Variants in SH2D1B observed in about 807,000 individuals in gnomAD.
SH2D1B encodes SH2 domain-containing protein 1B.
SH2D1B carries 11 observed loss-of-function variants against 16.3 expected under a neutral mutation model. The ratio of observed to expected loss-of-function variants is 0.67; its 90% CI spans 0.42 to 1.11. SH2D1B has a LOEUF of 1.11. SH2D1B is among the 50% of genes most tolerant of loss of function. The probability of loss-of-function intolerance (pLI) is 0.00; values close to 1 mark genes in which losing one functional copy is unlikely to be tolerated. For synonymous variants in SH2D1B, 55 were observed against 56.1 expected (o/e 0.98, Z 0.09); for missense variants, 123 against 153.1 (o/e 0.80, Z 1.04).
chr1:162,400,282 C>T (rs1158826706), intron 2 of SH2D1B, among the ~76,000 whole-genome samples: 1 of 142,220 alleles, frequency 7.0e-6, no homozygotes, highest in Non-Finnish European at 1.5e-5. Context: ...CTATACACCA[C>T]GTACTTTTTT....
At position 162,411,902 on chromosome 1, in the gene SH2D1B, C is replaced by G. The variant is rs368824273; in HGVS notation, c.115G>C (p.Val39Leu). The change falls in exon 1 of 4, where the codon GTC (valine) becomes CTC (leucine). Residue 39 changes from valine to leucine, a missense_variant. Coordinates refer to ENST00000367929, the MANE Select transcript of SH2D1B (RefSeq NM_053282.5). ...LLRDSESIPG[V>L]LCLCVSFKNI... ...ACTCACGAGACACAGAGGCACAGGA[C>G]TCCTGGTATCGACTCGCTGTCTCTT... The G allele has an allele frequency of 2.5e-6, 4 of 1,614,088 alleles. No homozygotes were observed. The highest frequency in any genetic ancestry group is 3.4e-6 in the Non-Finnish European group (4 of 1,180,056).
At chr1:162,402,348 T>C in intron 2 of SH2D1B, 1 of 157,536 alleles carries the variant, frequency 6.3e-6, no homozygotes, top group Non-Finnish European at 1.4e-5. Flanking sequence ...CCTTCTCTAC[T>C]GAAAATACAA....
rs183586161 is a variant in SH2D1B, at chr1:162,407,009, C to T, written c.135-4207G>A. The stretch of plus-strand genomic sequence containing the variant: ...TACATTGTAAGATCAGAAAACATTT[C>T]CTGTCCACAGTTACCACATAGCTTT... On this transcript the variant is annotated intron_variant, in intron 1 of 3. Coordinates refer to ENST00000367929, the MANE Select transcript of SH2D1B (RefSeq NM_053282.5). Among the ~76,000 whole-genome samples, 824 of 152,324 alleles carry T rather than the reference C, an allele frequency of 5.4e-3. 6 individuals carry two copies. The highest frequency in any genetic ancestry group is 5.3e-3 in the Non-Finnish European group (358 of 68,022).
chr1:162,412,019 A>G lies in SH2D1B; in HGVS notation c.-3T>C. On this transcript the variant is annotated 5_prime_UTR_variant, in exon 1 of 4. Coordinates refer to ENST00000367929, the MANE Select transcript of SH2D1B (RefSeq NM_053282.5). ...CCATGGTAGTAAGGCAGATCCATGG[A>G]GAACGCTCTTGTATCCCAGGAAGCC... 1 of 1,614,086 alleles carries G rather than the reference A, an allele frequency of 6.2e-7. No individual in the cohort carries two copies. The highest frequency in any genetic ancestry group is 8.5e-7 in the Non-Finnish European group (1 of 1,179,984).
At chr1:162,410,088 A>C (rs895320284) in intron 1 of SH2D1B, among the ~76,000 whole-genome samples, 1 of 152,186 alleles carries the variant, frequency 6.6e-6, no homozygotes. Flanking sequence ...CTACTAAGTC[A>C]GTTTGGCAAG....
At position 162,397,117 on chromosome 1, in the gene SH2D1B, A is replaced by G. The variant is rs556701507; in HGVS notation, c.*163T>C. On this transcript the variant is annotated 3_prime_UTR_variant, in exon 4 of 4. Transcript: ENST00000367929. ...ATGTCTGGGAGGCGGGGATGTGGAGAGTGACCTCTGGTGCTGGTGGGCAGA... is the reference window on the plus strand; with the variant it reads ...ATGTCTGGGAGGCGGGGATGTGGAGGGTGACCTCTGGTGCTGGTGGGCAGA... The G allele has an allele frequency of 5.0e-5, 34 of 673,694 alleles. No individual in the cohort carries two copies. In the East Asian group the frequency reaches 9.1e-4, roughly 18 times the overall value. The allele number at this position is 673,694 out of a possible 1,614,324, so 41.7% of individuals were successfully genotyped here. A position where few individuals can be genotyped will look rare whatever the true frequency, so the allele number is the denominator to read the frequency against.
rs1210270833 is a variant in SH2D1B, at chr1:162,411,927, TAAAAG to T, written c.85_89del (p.Leu29LysfsTer17). 1.2e-6 allele frequency: 2 copies of T among 1,614,162 alleles called. No homozygotes were observed. The highest frequency in any genetic ancestry group is 1.3e-5 in the African/African-American group (1 of 75,026). On this transcript the variant is annotated frameshift_variant, in exon 1 of 4. Transcript: ENST00000367929. LOFTEE classifies it high-confidence loss of function. ...CTCCTGGTATCGACTCGCTGTCTCT[TAAAAG>T]AAAGTTGCCATCCACCCCTTCCTTG...
In SH2D1B at chr1:162,397,070, G is replaced by T; in HGVS notation, c.*210C>A. The T allele has an allele frequency of 1.8e-6, 1 of 564,474 alleles. No individual in the cohort carries two copies. Among genetic ancestry groups the T allele is most frequent in the Non-Finnish European group, 3.2e-6 (1 of 313,648 alleles). The allele number at this position is 564,474 out of a possible 1,614,324, so 35.0% of individuals were successfully genotyped here. On this transcript the variant is annotated 3_prime_UTR_variant, in exon 4 of 4. Coordinates refer to ENST00000367929, the MANE Select transcript of SH2D1B (RefSeq NM_053282.5). ...AGAAAGAAGAGTGAAACTGGAGAGG[G>T]TTTTGAAATTGCTCCTGGTATATGT...
intron 3 of SH2D1B, among the ~76,000 whole-genome samples, chr1:162,398,719 G>A (rs1257520725): frequency 2.6e-5 from 4 of 152,164 alleles, no homozygotes; most frequent in Admixed American, 2.6e-4. Flanking sequence ...TATCCTGGCT[G>A]CAAACGCAGC....
rs944825285 is a variant in SH2D1B, at chr1:162,395,717, G to A, written c.*1563C>T. 1 of 152,084 alleles carries A rather than the reference G, an allele frequency of 6.6e-6. No individual in the cohort carries two copies. The highest frequency in any genetic ancestry group is 2.4e-5 in the African/African-American group (1 of 41,410). 9.4% of individuals were successfully genotyped at this position (152,084 alleles called of 1,614,324 possible). On this transcript the variant is annotated 3_prime_UTR_variant, in exon 4 of 4. Coordinates refer to ENST00000367929, the MANE Select transcript of SH2D1B (RefSeq NM_053282.5). ...ATTTCACCAACACCATATCCTATTA[G>A]AAATGTAATAAAACATAAGATATCA...
chr1:162,398,817 GATA>G, intron 3 of SH2D1B, 103 bp downstream of exon 3: 2 of 1,329,040 alleles, frequency 1.5e-6, no homozygotes, highest in Admixed American at 4.5e-5. Flanking sequence ...GCTTTTTAGA[GATA>G]ATGTCACAGA....
At chr1:162,407,689 T>G (rs561837186) in intron 1 of SH2D1B, among the ~76,000 whole-genome samples, 57 of 152,338 alleles carry the variant, frequency 3.7e-4, no homozygotes, top group Middle Eastern at 3.4e-3. Flanking sequence ...TGCAAAGGGT[T>G]GTATCTTGAA....
intron 3 of SH2D1B, among the ~76,000 whole-genome samples, chr1:162,398,700 C>A (rs1042648661): frequency 3.9e-5 from 6 of 152,296 alleles, no homozygotes; most frequent in African/African-American, 1.2e-4. Context: ...GCCCAGGAAC[C>A]ACTCTTGCTA....
At position 162,395,925 on chromosome 1, in the gene SH2D1B, T is replaced by C. The variant is rs558818282; in HGVS notation, c.*1355A>G. ...TATTTACAAATTTGTTGCAAGTTCA[T>C]TAAAAATTCCAAAAAGAGGTTTTAA... On this transcript the variant is annotated 3_prime_UTR_variant, in exon 4 of 4. Coordinates refer to ENST00000367929, the MANE Select transcript of SH2D1B (RefSeq NM_053282.5). 1 of 152,316 alleles carries C rather than the reference T, an allele frequency of 6.6e-6. No individual in the cohort carries two copies. Among genetic ancestry groups the C allele is most frequent in the Non-Finnish European group, 1.5e-5 (1 of 68,006 alleles). 9.4% of individuals were successfully genotyped at this position (152,316 alleles called of 1,614,324 possible). A position where few individuals can be genotyped will look rare whatever the true frequency, so the allele number is the denominator to read the frequency against.
chr1:162,400,385 G>A lies in SH2D1B; in HGVS notation c.199-1298C>T, dbSNP rs139635325. On this transcript the variant is annotated intron_variant, in intron 2 of 3. Transcript: ENST00000367929. Reference sequence around the variant, plus strand: ...CAGCTCACTGCAAGTTCCGCCTCCCGGGTTCATGCCATTCTCCTGCCTCAG... The same window carrying A: ...CAGCTCACTGCAAGTTCCGCCTCCCAGGTTCATGCCATTCTCCTGCCTCAG... 3.3e-3 allele frequency among the ~76,000 whole-genome samples: 461 copies of A among 141,816 alleles called. 12 individuals carry two copies. Among genetic ancestry groups the A allele is most frequent in the African/African-American group, 0.011 (441 of 38,866 alleles). The allele number at this position is 141,816 out of a possible 152,430, so 93.0% of individuals were successfully genotyped here.
chr1:162,403,541 T>A, intron 1 of SH2D1B, among the ~76,000 whole-genome samples: 1 of 115,318 alleles, frequency 8.7e-6, no homozygotes, highest in Non-Finnish European at 1.8e-5. Context: ...TATATATATA[T>A]ATGTAATTAC....
intron 3 of SH2D1B, among the ~76,000 whole-genome samples, chr1:162,398,292 G>C (rs1314614797): frequency 6.6e-6 from 1 of 152,210 alleles, no homozygotes; most frequent in African/African-American, 2.4e-5. Context: ...TAAGACCTAA[G>C]TGTTTCTGGA....
intron 1 of SH2D1B, 96 bp downstream of exon 1, chr1:162,411,787 A>T: frequency 6.6e-7 from 1 of 1,522,742 alleles, no homozygotes. Flanking sequence ...CCAAAGTCAG[A>T]GTGAAATACT....
chr1:162,397,432 C>T, intron 3 of SH2D1B, 117 bp from the exon 4 acceptor site: 1 of 1,064,766 alleles, frequency 9.4e-7, no homozygotes. Context: ...CATGTTGATG[C>T]CACCTGAAAG....
Sources: allele counts gnomAD v4.1 joint callset (sites outside exome capture counted in the v4.1 genomes callset), GRCh38; gene constraint gnomAD v4.1.1; transcripts MANE v1.5; gene names NCBI Gene and HGNC (gene_info 2026-07-23, HGNC 2026-07-21).